Variants in LARGE1 observed in about 807,000 individuals in gnomAD.
LARGE1 encodes the protein xylosyl- and glucuronyltransferase LARGE1.
In LARGE1, 43 loss-of-function variants were observed where a neutral mutation model predicts 87.6. The observed-to-expected ratio is 0.49, with a 90% CI of 0.38 to 0.63. LARGE1 has a LOEUF of 0.63. Among genes scored for constraint, LARGE1 ranks in the 30% least tolerant of loss-of-function variants. LARGE1 has a pLI of 0.00. For missense variants in LARGE1, 802 were observed against 1,000.2 expected (o/e 0.80, Z 2.67); for synonymous variants, 434 against 394.6 (o/e 1.10, Z -1.18).
At chr22:33,634,327 G>A (rs1404244503) in intron 3 of LARGE1, among the ~76,000 whole-genome samples, 1 of 152,204 alleles carries the variant, frequency 6.6e-6, no homozygotes, top group Non-Finnish European at 1.5e-5. Flanking sequence ...AGTGGAGCCT[G>A]AGAATAGTCT....
At position 33,325,979 on chromosome 22, in the gene LARGE1, G is replaced by A. The variant is rs1053828942; in HGVS notation, c.1288-9731C>T. Among the ~76,000 whole-genome samples, 3 of 152,166 alleles carry A rather than the reference G, an allele frequency of 2.0e-5. 1 individual carries two copies. In the South Asian group the frequency reaches 6.2e-4, roughly 32 times the overall value. ...GAAACCTAACCCAGAGCTTGTCCCT[G>A]TGGTTTCCACAAAGCAGTTACATCT... On this transcript the variant is annotated intron_variant, in intron 10 of 14. Coordinates refer to ENST00000397394, the MANE Select transcript of LARGE1 (RefSeq NM_133642.5).
At chr22:33,127,284 C>G in the LARGE1 span, among the ~76,000 whole-genome samples, 1 of 152,132 alleles carries the variant, frequency 6.6e-6, no homozygotes, top group Middle Eastern at 3.2e-3. Flanking sequence ...ATGAGCAACC[C>G]AGGATTAAGA....
the LARGE1 span, among the ~76,000 whole-genome samples, chr22:33,089,274 C>G: frequency 9.4e-4 from 140 of 148,244 alleles, no homozygotes; most frequent in African/African-American, 3.5e-3. Flanking sequence ...TCTTCTTCTT[C>G]TTCTTGTTCT....
chr22:33,338,868 C>T (rs1213054250), intron 9 of LARGE1, among the ~76,000 whole-genome samples: 3 of 152,116 alleles, frequency 2.0e-5, no homozygotes, highest in Non-Finnish European at 4.4e-5. Context: ...AAATGAGAGG[C>T]CGGGTGCGGT....
chr22:33,421,894 G>A (rs2066708920), intron 7 of LARGE1, among the ~76,000 whole-genome samples: 3 of 152,244 alleles, frequency 2.0e-5, no homozygotes. Flanking sequence ...AGGCAGACCT[G>A]AGGCCAAAGA....
In LARGE1 at chr22:33,865,832, C is replaced by CTTTTTTTTTTTTTTTTTTTTTTTTT. The variant is rs3072359; in HGVS notation, c.-83+54138_-83+54162dup. 3.2e-4 allele frequency among the ~76,000 whole-genome samples: 9 copies of CTTTTTTTTTTTTTTTTTTTTTTTTT among 28,394 alleles called. 4 individuals are homozygous for CTTTTTTTTTTTTTTTTTTTTTTTTT. Among genetic ancestry groups the CTTTTTTTTTTTTTTTTTTTTTTTTT allele is most frequent in the African/African-American group, 7.5e-4 (7 of 9,350 alleles). The allele number at this position is 28,394 out of a possible 152,430, so 18.6% of individuals were successfully genotyped here. A position where few individuals can be genotyped will look rare whatever the true frequency, so the allele number is the denominator to read the frequency against. On this transcript the variant is annotated intron_variant, in intron 1 of 14. Coordinates refer to ENST00000397394, the MANE Select transcript of LARGE1 (RefSeq NM_133642.5). Reference sequence around the variant, plus strand: ...TAAGCATTCAATGTTAGCTGTTATTCTTTTTTTTTTTTTTTTTTTTTTTTT... The same window carrying CTTTTTTTTTTTTTTTTTTTTTTTTT: ...TAAGCATTCAATGTTAGCTGTTATTCTTTTTTTTTTTTTTTTTTTTTTTTTTTTTTTTTTTTTTTTTTTTTTTTTT...
intron 3 of LARGE1, among the ~76,000 whole-genome samples, chr22:33,638,853 G>C (rs1261541235): frequency 1.3e-5 from 2 of 152,162 alleles, no homozygotes; most frequent in Non-Finnish European, 2.9e-5. Context: ...TCAAAGCAAG[G>C]AGCAGAAGGA....
chr22:33,208,142 G>A (rs114186205), intron 11 of LARGE1, among the ~76,000 whole-genome samples: 1,873 of 152,162 alleles, frequency 0.012, 41 homozygotes, highest in African/African-American at 0.041. Context: ...TCACCAACAC[G>A]TCTATTTACC....
intron 1 of LARGE1, among the ~76,000 whole-genome samples, chr22:33,857,404 A>G (rs1601790371): frequency 6.6e-6 from 1 of 152,374 alleles, no homozygotes; most frequent in East Asian, 1.9e-4. Flanking sequence ...CCCACTGGAC[A>G]GGCAACGGCA....
intron 6 of LARGE1, among the ~76,000 whole-genome samples, chr22:33,510,881 C>G (rs2071024891): frequency 6.6e-6 from 1 of 152,222 alleles, no homozygotes; most frequent in African/African-American, 2.4e-5. Flanking sequence ...GCTACCACAC[C>G]CAGCCTGGCT....
intron 2 of LARGE1, among the ~76,000 whole-genome samples, chr22:33,712,725 A>C (rs536566676): frequency 7.5e-4 from 113 of 151,072 alleles, no homozygotes; most frequent in African/African-American, 2.7e-3. Flanking sequence ...CCAGCAAGAA[A>C]AGCCACTAAC....
chr22:33,470,156 C>T (rs1415328026), intron 6 of LARGE1, among the ~76,000 whole-genome samples: 3 of 152,088 alleles, frequency 2.0e-5, no homozygotes, highest in Non-Finnish European at 4.4e-5. Context: ...TCACAAAGTG[C>T]TGGGATTACA....
chr22:33,164,154 G>A (rs1922141385), exon 12 of LARGE1: 1 of 152,116 alleles, frequency 6.6e-6, no homozygotes, highest in Non-Finnish European at 1.5e-5. Flanking sequence ...AACAGTGCTG[G>A]GAACATAATC....
the LARGE1 span, among the ~76,000 whole-genome samples, chr22:33,096,436 A>G: frequency 2.3e-4 from 34 of 150,302 alleles, no homozygotes; most frequent in East Asian, 5.7e-3. Flanking sequence ...AAAAAAAAGG[A>G]TATAATACCC....
intron 12 of LARGE1, among the ~76,000 whole-genome samples, chr22:33,301,831 T>A (rs961622834): frequency 6.6e-6 from 1 of 152,142 alleles, no homozygotes; most frequent in Admixed American, 6.5e-5. Flanking sequence ...TCACTTCAAG[T>A]AGGGTCTGGA....
chr22:33,319,883 T>C (rs1395522814), intron 10 of LARGE1, among the ~76,000 whole-genome samples: 2 of 152,218 alleles, frequency 1.3e-5, no homozygotes, highest in African/African-American at 4.8e-5. Flanking sequence ...AGCCCTGTGA[T>C]GCTCCAAATG....
At chr22:33,717,835 G>A (rs1477504358) in intron 2 of LARGE1, among the ~76,000 whole-genome samples, 5 of 152,108 alleles carry the variant, frequency 3.3e-5, no homozygotes, top group Non-Finnish European at 7.4e-5. Flanking sequence ...TGCCAAAGTC[G>A]CTTTGTCCCC....
chr22:33,281,211 G>C (rs778917445), intron 13 of LARGE1, among the ~76,000 whole-genome samples: 8 of 152,168 alleles, frequency 5.3e-5, no homozygotes, highest in Non-Finnish European at 1.2e-4. Context: ...GGCCACAAAT[G>C]TGGCTGTGAA....
At chr22:33,912,378 A>G (rs1167579401) in intron 1 of LARGE1, among the ~76,000 whole-genome samples, 2 of 152,244 alleles carry the variant, frequency 1.3e-5, no homozygotes, top group African/African-American at 2.4e-5. Flanking sequence ...AAAAAAAGAA[A>G]AGGAAGAAAG....
Sources: allele counts gnomAD v4.1 joint callset (sites outside exome capture counted in the v4.1 genomes callset), GRCh38; gene constraint gnomAD v4.1.1; transcripts MANE v1.5; gene names NCBI Gene and HGNC (gene_info 2026-07-23, HGNC 2026-07-21).